Variants in CD99L2 observed in about 807,000 individuals in gnomAD.
CD99L2 encodes the protein CD99 molecule like 2.
CD99L2 carries 24 observed loss-of-function variants against 27.3 expected under a neutral mutation model. The ratio of observed to expected loss-of-function variants is 0.88; its 90% CI spans 0.64 to 1.24. CD99L2 has a LOEUF of 1.24. CD99L2 is among the 50% of genes most tolerant of loss of function. The probability of loss-of-function intolerance (pLI) is 0.00; values close to 1 mark genes in which losing one functional copy is unlikely to be tolerated. For missense variants in CD99L2, 255 were observed against 221.6 expected (o/e 1.15, Z -0.96); for synonymous variants, 97 against 87.9 (o/e 1.10, Z -0.58).
chrX:150,860,716 A>G (rs1318430576), intron 1 of CD99L2, among the ~76,000 whole-genome samples: 2 of 112,201 alleles, frequency 1.8e-5, no homozygotes, highest in African/African-American at 6.5e-5. Flanking sequence ...TCTATTTGCA[A>G]TAGTTACCAA....
intron 4 of CD99L2, among the ~76,000 whole-genome samples, chrX:150,797,839 G>A (rs781949386): frequency 1.8e-5 from 2 of 109,242 alleles, no homozygotes; most frequent in African/African-American, 3.3e-5. Flanking sequence ...GAGCCCAGGA[G>A]TTCAAGGCCA....
At chrX:150,829,467 A>C in intron 2 of CD99L2, 2 of 331,047 alleles carry the variant, frequency 6.0e-6, no homozygotes, top group Non-Finnish European at 1.2e-5. Flanking sequence ...AAAGTCAAGG[A>C]AAGATTCTTC....
At chrX:150,836,348 A>ATT (rs113158535) in intron 1 of CD99L2, among the ~76,000 whole-genome samples, 12 of 106,819 alleles carry the variant, frequency 1.1e-4, no homozygotes, top group Admixed American at 7.0e-4. Context: ...ATTTAGCTTA[A>ATT]TTTTTTTTTT....
chrX:150,776,437 A>G (rs1474689456), intron 8 of CD99L2, 144 bp from the exon 9 acceptor site: 2 of 661,368 alleles, frequency 3.0e-6, no homozygotes, highest in African/African-American at 4.5e-5. Context: ...GCCATGCCAC[A>G]CAGATCTACG....
intron 9 of CD99L2, among the ~76,000 whole-genome samples, chrX:150,774,933 G>A (rs782453566): frequency 2.9e-4 from 33 of 112,001 alleles, no homozygotes; most frequent in South Asian, 3.7e-4. Context: ...TCAAGCTTCC[G>A]GATCCACGGT....
At chrX:150,789,418 G>A (rs1302487727) in intron 7 of CD99L2, among the ~76,000 whole-genome samples, 4 of 111,703 alleles carry the variant, frequency 3.6e-5, no homozygotes, top group Non-Finnish European at 5.7e-5. Flanking sequence ...CACCACGCCC[G>A]GCCTATGAAT....
At chrX:150,851,028 AG>A (rs1322317880) in intron 1 of CD99L2, among the ~76,000 whole-genome samples, 5 of 111,007 alleles carry the variant, frequency 4.5e-5, no homozygotes, top group African/African-American at 1.3e-4. Flanking sequence ...TAGTAGAGAC[AG>A]GGTTTCACCA....
At chrX:150,794,018 T>C (rs2045745265) in intron 6 of CD99L2, among the ~76,000 whole-genome samples, 1 of 110,366 alleles carries the variant, frequency 9.1e-6, no homozygotes, top group African/African-American at 3.3e-5. Flanking sequence ...ATGCCAAAGG[T>C]GAAGGGATTT....
At chrX:150,835,744 T>TA (rs1325745458) in intron 1 of CD99L2, among the ~76,000 whole-genome samples, 5 of 110,996 alleles carry the variant, frequency 4.5e-5, no homozygotes, top group African/African-American at 9.8e-5. Context: ...AATTAAAAAA[T>TA]AAAAACAAAA....
chrX:150,776,609 C>CA (rs2043559104), intron 8 of CD99L2, among the ~76,000 whole-genome samples: 1 of 111,841 alleles, frequency 8.9e-6, no homozygotes, highest in African/African-American at 3.3e-5. Context: ...CCCGGCACCC[C>CA]AATCTTCATG....
At chrX:150,804,298 T>C (rs782031192) in intron 4 of CD99L2, among the ~76,000 whole-genome samples, 3 of 112,356 alleles carry the variant, frequency 2.7e-5, no homozygotes, top group Admixed American at 9.4e-5. Flanking sequence ...AACATTCTCC[T>C]GAACAACCAA....
intron 9 of CD99L2, among the ~76,000 whole-genome samples, chrX:150,771,172 T>C (rs1281528722): frequency 8.9e-6 from 1 of 111,836 alleles, no homozygotes; most frequent in African/African-American, 3.3e-5. Context: ...AACTGGGGCA[T>C]GGTTCCAACC....
At chrX:150,810,097 T>C (rs2046051078) in intron 4 of CD99L2, among the ~76,000 whole-genome samples, 1 of 111,961 alleles carries the variant, frequency 8.9e-6, no homozygotes, top group Admixed American at 9.5e-5. Flanking sequence ...ACCAATACAA[T>C]AACTATCGAA....
chrX:150,818,927 G>A (rs980352830), intron 2 of CD99L2: 10 of 367,159 alleles, frequency 2.7e-5, no homozygotes, highest in Admixed American at 2.7e-4. Context: ...ATTATTCCAG[G>A]GTTTATGTGC....
intron 1 of CD99L2, among the ~76,000 whole-genome samples, chrX:150,864,047 A>G (rs906223362): frequency 1.8e-5 from 2 of 112,126 alleles, no homozygotes; most frequent in Admixed American, 9.5e-5. Context: ...TGTTGTTTTC[A>G]GCCACCCAGT....
chrX:150,829,494 A>G (rs1557421004), intron 2 of CD99L2: 1 of 330,978 alleles, frequency 3.0e-6, no homozygotes, highest in Admixed American at 3.1e-5. Context: ...GCCTTCAGAG[A>G]GAATGTGGCC....
intron 1 of CD99L2, among the ~76,000 whole-genome samples, chrX:150,874,120 C>T (rs2047195508): frequency 1.8e-5 from 2 of 112,192 alleles, no homozygotes; most frequent in South Asian, 7.4e-4. Context: ...TTCTTGGCCT[C>T]GGTCTAGTGG....
At chrX:150,843,067 G>A (rs2046645865) in intron 1 of CD99L2, among the ~76,000 whole-genome samples, 2 of 112,541 alleles carry the variant, frequency 1.8e-5, no homozygotes, top group Admixed American at 9.4e-5. Context: ...AAGCATCTCT[G>A]CAGAGGAACG....
intron 1 of CD99L2, among the ~76,000 whole-genome samples, chrX:150,877,608 G>A (rs782511730): frequency 3.6e-5 from 4 of 111,457 alleles, no homozygotes; most frequent in South Asian, 3.8e-4. Context: ...GATTGCTTGA[G>A]GCCAGGAGTT....
Sources: gnomAD v4.1 joint callset for allele counts (sites outside exome capture counted in the v4.1 genomes callset) on GRCh38, gnomAD v4.1.1 for gene constraint, MANE v1.5 for transcripts, NCBI Gene and HGNC (gene_info 2026-07-23, HGNC 2026-07-21) for gene names.